SLC7A14: variants seen among roughly 807,000 people sequenced by gnomAD.
SLC7A14 encodes the protein gamma-aminobutyric acid transporter SLC7A14.
SLC7A14 carries 37 observed loss-of-function variants against 60.2 expected under a neutral mutation model. That is an observed-to-expected ratio of 0.61 (90% CI 0.47 to 0.81). The LOEUF is 0.81. Ranked by LOEUF, SLC7A14 falls within the 30% of genes least tolerant of loss-of-function variation. The pLI, the probability that SLC7A14 is intolerant of heterozygous loss-of-function variation, is 0.00. For missense variants in SLC7A14, 886 were observed against 982.7 expected (o/e 0.90, Z 1.32); for synonymous variants, 399 against 395.8 (o/e 1.01, Z -0.10).
chr3:170,486,644 G>A (rs1273563585), intron 4 of SLC7A14, among the ~76,000 whole-genome samples: 3 of 152,006 alleles, frequency 2.0e-5, no homozygotes, highest in Middle Eastern at 3.2e-3. Context: ...GAGGCCGATG[G>A]GGGTGGATCA....
At position 170,465,254 on chromosome 3, in the gene SLC7A14, A is replaced by G. The variant is rs1053627428; in HGVS notation, c.*1801T>C. 1 of 152,254 alleles carries G rather than the reference A, an allele frequency of 6.6e-6. No individual in the cohort carries two copies. 9.4% of individuals were successfully genotyped at this position (152,254 alleles called of 1,614,324 possible). On this transcript the variant is annotated 3_prime_UTR_variant, in exon 8 of 8. Coordinates refer to ENST00000231706, the MANE Select transcript of SLC7A14 (RefSeq NM_020949.3). Reference sequence around the variant, plus strand: ...TTTATTTAAAGCATATTTTTTAAAAACTAGTTTCAATTCATCTTTATATGT... The same window carrying G: ...TTTATTTAAAGCATATTTTTTAAAAGCTAGTTTCAATTCATCTTTATATGT...
intron 1 of SLC7A14, chr3:170,570,391 G>T (rs1340462030): frequency 6.6e-6 from 1 of 151,764 alleles, no homozygotes; most frequent in Non-Finnish European, 1.5e-5. Flanking sequence ...CAAGGTTGCA[G>T]TAAGCCATAA....
intron 2 of SLC7A14, among the ~76,000 whole-genome samples, chr3:170,514,773 A>G (rs918242925): frequency 2.6e-5 from 4 of 152,232 alleles, no homozygotes; most frequent in African/African-American, 9.6e-5. Context: ...CATTTGCACT[A>G]AGAACCTAGT....
intron 2 of SLC7A14, 89 bp downstream of exon 2, chr3:170,526,544 A>C: frequency 6.7e-7 from 1 of 1,485,642 alleles, no homozygotes; most frequent in Non-Finnish European, 9.1e-7. Context: ...CATACATCTC[A>C]CCACTAAATA....
In SLC7A14 at chr3:170,498,736, G is replaced by T. The variant is rs543046436; in HGVS notation, c.690C>A (p.Ile230=). The T allele has an allele frequency of 6.2e-7, 1 of 1,614,152 alleles. No homozygotes were observed. Among genetic ancestry groups the T allele is most frequent in the Admixed American group, 1.7e-5 (1 of 60,012 alleles). ...LNLAVWVFIM[I]AGLFFINGKY... The stretch of plus-strand genomic sequence containing the variant: ...TCCCATTGATGAAGAAGAGGCCTGC[G>T]ATCATGATGAACACCCATACTGCCA... Residue 230 remains isoleucine (I), a synonymous_variant, in exon 4 of 8, where the codon ATC becomes ATA. Transcript: ENST00000231706.
intron 4 of SLC7A14, among the ~76,000 whole-genome samples, chr3:170,489,682 G>A (rs544876722): frequency 6.6e-6 from 1 of 152,336 alleles, no homozygotes; most frequent in African/African-American, 2.4e-5. Flanking sequence ...AGATTTGGAA[G>A]CAACTTAAGT....
intron 1 of SLC7A14, among the ~76,000 whole-genome samples, chr3:170,547,431 A>G (rs954784012): frequency 2.6e-5 from 4 of 152,220 alleles, no homozygotes; most frequent in African/African-American, 9.6e-5. Flanking sequence ...CAGAAGCCTT[A>G]CCAACACCAT....
chr3:170,568,091 T>G (rs1471379993), intron 1 of SLC7A14, among the ~76,000 whole-genome samples: 1 of 152,212 alleles, frequency 6.6e-6, no homozygotes, highest in African/African-American at 2.4e-5. Flanking sequence ...CCCATGCCTA[T>G]GTCCTGAATG....
Position 170,526,725 on chromosome 3 carries a change from A to C in SLC7A14, c.212T>G (p.Met71Arg). Reference sequence around the variant, plus strand: ...GGCCACCAGGCCAGAGACCACATACATGCCAGTGCCCACACAGCTGCCAAC... The same window carrying C: ...GGCCACCAGGCCAGAGACCACATACCTGCCAGTGCCCACACAGCTGCCAAC... ...LGVGSCVGTG[M>R]YVVSGLVAKE... is the part of the protein sequence containing the mutation. The change falls in exon 2 of 8, where the codon ATG becomes AGG. Residue 71 changes from methionine (M) to arginine (R), a missense_variant. By Grantham distance (91) the Met-to-Arg change is moderately conservative (BLOSUM62 -1). Transcript: ENST00000231706. 2 of 1,614,232 alleles carry C rather than the reference A, an allele frequency of 1.2e-6. No individual in the cohort carries two copies. Among genetic ancestry groups the C allele is most frequent in the East Asian group, 2.2e-5 (1 of 44,880 alleles).
At chr3:170,494,608 C>T (rs1311621741) in intron 4 of SLC7A14, among the ~76,000 whole-genome samples, 2 of 152,244 alleles carry the variant, frequency 1.3e-5, no homozygotes, top group Non-Finnish European at 2.9e-5. Flanking sequence ...TCTTTCCAGT[C>T]TTTAAGTGGG....
intron 2 of SLC7A14, among the ~76,000 whole-genome samples, chr3:170,515,130 C>G (rs562854391): frequency 1.3e-5 from 2 of 151,880 alleles, no homozygotes; most frequent in Non-Finnish European, 2.9e-5. Flanking sequence ...CTGGCCAACA[C>G]GGCGTAACCC....
chr3:170,580,196 A>G (rs1160491132), intron 1 of SLC7A14, among the ~76,000 whole-genome samples: 1 of 152,188 alleles, frequency 6.6e-6, no homozygotes, highest in East Asian at 1.9e-4. Flanking sequence ...TAACCACAAC[A>G]TTTTTGTGTC....
rs372380955 is a variant in SLC7A14, at chr3:170,555,096, A to G, written c.-152-28008T>C. Among the ~76,000 whole-genome samples the G allele has an allele frequency of 2.2e-4, 34 of 152,086 alleles. 1 individual carries two copies. In the East Asian group the frequency reaches 2.7e-3, roughly 12 times the overall value. ...GGCAGGAGAATTGCTTGGACCTGGG[A>G]AGCGGAGGTTGCAGTGAGCCAAGAT... On this transcript the variant is annotated intron_variant, in intron 1 of 7. Coordinates refer to ENST00000231706, the MANE Select transcript of SLC7A14 (RefSeq NM_020949.3).
intron 1 of SLC7A14, among the ~76,000 whole-genome samples, chr3:170,551,497 G>C (rs1044851415): frequency 7.2e-5 from 11 of 152,298 alleles, no homozygotes; most frequent in Admixed American, 5.9e-4. Flanking sequence ...CAAGACAGCA[G>C]CACCACTTTG....
intron 2 of SLC7A14, among the ~76,000 whole-genome samples, chr3:170,523,254 C>A (rs1235069047): frequency 6.6e-6 from 1 of 152,210 alleles, no homozygotes; most frequent in Non-Finnish European, 1.5e-5. Flanking sequence ...GTGGCTGAAC[C>A]AGGTTTCAAG....
At chr3:170,471,630 C>G (rs1190118463) in intron 7 of SLC7A14, among the ~76,000 whole-genome samples, 1 of 152,106 alleles carries the variant, frequency 6.6e-6, no homozygotes, top group Non-Finnish European at 1.5e-5. Flanking sequence ...GCCATCATTG[C>G]TTGAAGTAGT....
At chr3:170,545,005 G>A (rs1714135544) in intron 1 of SLC7A14, among the ~76,000 whole-genome samples, 1 of 152,214 alleles carries the variant, frequency 6.6e-6, no homozygotes, top group African/African-American at 2.4e-5. Context: ...CACTTGAAAT[G>A]TGTCTAGTGC....
chr3:170,557,355 G>A (rs1714515491), intron 1 of SLC7A14, among the ~76,000 whole-genome samples: 1 of 152,120 alleles, frequency 6.6e-6, no homozygotes, highest in Admixed American at 6.5e-5. Context: ...CAGAAAGCAA[G>A]GTGGGAAATC....
At chr3:170,520,940 C>T (rs1451553310) in intron 2 of SLC7A14, among the ~76,000 whole-genome samples, 7 of 152,192 alleles carry the variant, frequency 4.6e-5, no homozygotes, top group Non-Finnish European at 1.0e-4. Flanking sequence ...ACCATCCTGC[C>T]TCCACCCTTC....
Sources: gnomAD v4.1 joint callset for allele counts (sites outside exome capture counted in the v4.1 genomes callset) on GRCh38, gnomAD v4.1.1 for gene constraint, MANE v1.5 for transcripts, NCBI Gene and HGNC (gene_info 2026-07-23, HGNC 2026-07-21) for gene names.